Variants in RNF17 observed in about 807,000 individuals in gnomAD.
RNF17 encodes ring finger protein 17.
RNF17 carries 31 observed loss-of-function variants against 200.5 expected under a neutral mutation model. The ratio of observed to expected loss-of-function variants is 0.15; its 90% confidence interval spans 0.12 to 0.21. The LOEUF is 0.21. Ranked by LOEUF, RNF17 falls within the 10% of genes least tolerant of loss-of-function variation. RNF17 has a pLI of 1.00. For synonymous variants in RNF17, 606 were observed against 637.8 expected, an observed-to-expected ratio of 0.95 and a Z score of 0.75; for missense variants, 1,628 against 1,905.1, an observed-to-expected ratio of 0.85 and a Z score of 2.71.
intron 25 of RNF17, among the ~76,000 whole-genome samples, chr13:24,856,486 T>C (rs1892513671): frequency 6.6e-6 from 1 of 152,124 alleles, no homozygotes; most frequent in South Asian, 2.1e-4. Flanking sequence ...TATGATCTTG[T>C]AAAAAAATGT....
chr13:24,771,659 A>G (rs1245240669), intron 2 of RNF17, among the ~76,000 whole-genome samples: 1 of 145,600 alleles, frequency 6.9e-6, no homozygotes, highest in South Asian at 2.1e-4. Flanking sequence ...TTTTCTGACT[A>G]GGCAGACCTT....
intron 22 of RNF17, among the ~76,000 whole-genome samples, chr13:24,847,353 T>TTTA (rs1891373457): frequency 1.7e-5 from 2 of 120,736 alleles, no homozygotes; most frequent in African/African-American, 3.1e-5. Context: ...TTATTTATTT[T>TTTA]TTTTTTTTTT....
Position 24,861,250 on chromosome 13 carries a change from G to T in RNF17, c.3775-18G>T, listed in dbSNP as rs776374476. The T allele has an allele frequency of 1.4e-5, 22 of 1,559,344 alleles. No individual in the cohort carries two copies. The highest frequency in any genetic ancestry group is 1.8e-5 in the Non-Finnish European group (21 of 1,144,056). ...TAATAATAAATTTTAACTATAAATT[G>T]TATTTGTCGTGTTTCAGGTACAATA... is the stretch of plus-strand genomic sequence containing the variant. On this transcript the variant is annotated intron_variant, in intron 26 of 35. Transcript: ENST00000255324.
At chr13:24,865,331 A>C (rs1893505016) in intron 29 of RNF17, among the ~76,000 whole-genome samples, 1 of 152,216 alleles carries the variant, frequency 6.6e-6, no homozygotes, top group Non-Finnish European at 1.5e-5. Context: ...CTCTTGCTCC[A>C]GATAAAATAT....
intron 2 of RNF17, among the ~76,000 whole-genome samples, chr13:24,773,267 T>C (rs1291107720): frequency 1.3e-5 from 2 of 152,214 alleles, no homozygotes; most frequent in Admixed American, 6.5e-5. Flanking sequence ...GTTATCACAG[T>C]ATCATTCACA....
Position 24,764,342 on chromosome 13 carries a change from C to T in RNF17, c.130+9C>T. ...GGTATCCAGATCATCCGGTGAGGAG[C>T]CCAAGGGCCCACCTAGCGGGGAGGC... On this transcript the variant is annotated intron_variant, in intron 1 of 35. Transcript: ENST00000255324. 7 of 1,582,908 alleles carry T rather than the reference C, an allele frequency of 4.4e-6. No individual in the cohort carries two copies. Among genetic ancestry groups the T allele is most frequent in the Non-Finnish European group, 6.0e-6 (7 of 1,162,308 alleles).
At chr13:24,849,014 A>G (rs952986675) in intron 22 of RNF17, among the ~76,000 whole-genome samples, 51 of 152,190 alleles carry the variant, frequency 3.4e-4, no homozygotes, top group Non-Finnish European at 4.0e-4. Context: ...CATATAAGCC[A>G]TGTTACTGTG....
the RNF17 span, among the ~76,000 whole-genome samples, chr13:24,749,813 A>C: frequency 6.6e-6 from 1 of 152,112 alleles, no homozygotes; most frequent in African/African-American, 2.4e-5. Flanking sequence ...GCAGTGGTGC[A>C]ATGTCGGCTC....
At chr13:24,812,232 TC>T (rs1165964966) in intron 15 of RNF17, among the ~76,000 whole-genome samples, 3 of 150,790 alleles carry the variant, frequency 2.0e-5, no homozygotes, top group Non-Finnish European at 4.4e-5. Context: ...CGGGCGCCCC[TC>T]CCCCAGCCTC....
chr13:24,816,514 A>G (rs1887427542), intron 15 of RNF17, among the ~76,000 whole-genome samples: 1 of 152,104 alleles, frequency 6.6e-6, no homozygotes, highest in African/African-American at 2.4e-5. Flanking sequence ...CCCCCTTTAC[A>G]CATATTTTCT....
intron 15 of RNF17, among the ~76,000 whole-genome samples, chr13:24,823,959 C>G (rs1888361034): frequency 6.6e-6 from 1 of 152,174 alleles, no homozygotes; most frequent in African/African-American, 2.4e-5. Flanking sequence ...GCAGGTATCT[C>G]CCGGACTTAG....
In RNF17 at chr13:24,802,422, A is replaced by G; in HGVS notation, c.1800A>G (p.Lys600=). 6.2e-7 allele frequency: 1 copy of G among 1,613,352 alleles called. No individual in the cohort carries two copies. Among genetic ancestry groups the G allele is most frequent in the Non-Finnish European group, 8.5e-7 (1 of 1,179,776 alleles). Residue 600 remains lysine, a synonymous_variant, in exon 14 of 36, where the codon AAA becomes AAG. Coordinates refer to ENST00000255324, the MANE Select transcript of RNF17 (RefSeq NM_031277.3). ...WEEEAKVEFL[K]MVNNKAVSMK... ...AGGAAGCTAAAGTGGAATTTTTGAA[A>G]ATGGTAAATAACAAGGCTGTTTCAA...
At chr13:24,789,318 C>G (rs765027054) in intron 7 of RNF17, 30 bp from the exon 8 acceptor site, 1 of 1,397,980 alleles carries the variant, frequency 7.2e-7, no homozygotes, top group Non-Finnish European at 1.0e-6. Context: ...ACAAGATTCA[C>G]ACATGAATGA....
intron 15 of RNF17, among the ~76,000 whole-genome samples, chr13:24,820,996 T>C (rs897308165): frequency 6.6e-6 from 1 of 152,222 alleles, no homozygotes; most frequent in Non-Finnish European, 1.5e-5. Context: ...TCAACAGTTT[T>C]GGAGTCTAGA....
chr13:24,852,982 C>T (rs1048248851), intron 24 of RNF17, among the ~76,000 whole-genome samples: 1 of 152,196 alleles, frequency 6.6e-6, no homozygotes, highest in African/African-American at 2.4e-5. Flanking sequence ...GCTGTGATCT[C>T]AGCTCACTGC....
the RNF17 span, among the ~76,000 whole-genome samples, chr13:24,755,758 G>A: frequency 0.011 from 1,598 of 152,116 alleles, 37 homozygotes; most frequent in African/African-American, 0.036. Context: ...TTTCTTTCTA[G>A]GTTACTTTAT....
chr13:24,850,725 A>G (rs773396588), intron 23 of RNF17, among the ~76,000 whole-genome samples: 30 of 152,108 alleles, frequency 2.0e-4, no homozygotes, highest in South Asian at 2.1e-4. Context: ...ACCTTTTTCC[A>G]TATGAAGCAG....
At chr13:24,756,236 C>T in the RNF17 span, among the ~76,000 whole-genome samples, 1 of 152,042 alleles carries the variant, frequency 6.6e-6, no homozygotes, top group East Asian at 1.9e-4. Flanking sequence ...ACATTATTAG[C>T]TAACTGATGA....
the RNF17 span, among the ~76,000 whole-genome samples, chr13:24,758,835 G>A: frequency 8.5e-5 from 13 of 152,064 alleles, no homozygotes; most frequent in East Asian, 1.9e-4. Flanking sequence ...CTAGCACTTC[G>A]GGAGGCCAAG....
Sources: gnomAD v4.1 joint callset for allele counts (sites outside exome capture counted in the v4.1 genomes callset) on GRCh38, gnomAD v4.1.1 for gene constraint, MANE v1.5 for transcripts, NCBI Gene and HGNC (gene_info 2026-07-23, HGNC 2026-07-21) for gene names.